AKAP19: variants seen among roughly 807,000 people sequenced by gnomAD.
AKAP19 encodes A-kinase anchoring protein 19.
At chr2:190,080,311 T>C in the AKAP19 span, among the ~76,000 whole-genome samples, 1,810 of 152,350 alleles carry the variant, frequency 0.012, 19 homozygotes, top group Non-Finnish European at 0.02. Flanking sequence ...ACAATGCCCC[T>C]GATGACCTCA....
the AKAP19 span, among the ~76,000 whole-genome samples, chr2:190,092,676 A>G: frequency 1.2e-4 from 19 of 152,184 alleles, no homozygotes; most frequent in Admixed American, 8.5e-4. Context: ...TCAATTTTCC[A>G]AATTATCATT....
the AKAP19 span, among the ~76,000 whole-genome samples, chr2:190,005,083 G>A: frequency 6.6e-6 from 1 of 152,180 alleles, no homozygotes; most frequent in African/African-American, 2.4e-5. Flanking sequence ...TGAGTTCACT[G>A]TCTTGCTGAC....
At chr2:190,100,204 A>G in the AKAP19 span, among the ~76,000 whole-genome samples, 1 of 152,230 alleles carries the variant, frequency 6.6e-6, no homozygotes, top group East Asian at 1.9e-4. Context: ...AAGAAGGTTT[A>G]TTAGTATCCC....
At chr2:190,079,184 A>G in the AKAP19 span, 3 of 152,304 alleles carry the variant, frequency 2.0e-5, no homozygotes, top group East Asian at 5.8e-4. Context: ...CTCTTGATTT[A>G]TCAACACTAC....
chr2:190,095,656 A>G, the AKAP19 span: 2 of 152,234 alleles, frequency 1.3e-5, no homozygotes, highest in African/African-American at 2.4e-5. Flanking sequence ...GTACTTCGTT[A>G]TAGCAGCCCA....
the AKAP19 span, among the ~76,000 whole-genome samples, chr2:189,967,860 A>C: frequency 6.6e-6 from 1 of 152,084 alleles, no homozygotes; most frequent in Non-Finnish European, 1.5e-5. Flanking sequence ...AAATTAAAAA[A>C]AAAAAAGGAA....
chr2:189,937,198 G>T, the AKAP19 span, among the ~76,000 whole-genome samples: 1 of 152,118 alleles, frequency 6.6e-6, no homozygotes, highest in Non-Finnish European at 1.5e-5. Context: ...GCTGATGATG[G>T]TTATATGGAG....
chr2:189,952,926 A>G, the AKAP19 span, among the ~76,000 whole-genome samples: 6 of 152,192 alleles, frequency 3.9e-5, no homozygotes, highest in African/African-American at 1.4e-4. Context: ...TGCAGACTGT[A>G]GTGATGGAAA....
At chr2:190,022,550 A>T in the AKAP19 span, among the ~76,000 whole-genome samples, 1 of 152,168 alleles carries the variant, frequency 6.6e-6, no homozygotes, top group East Asian at 1.9e-4. Flanking sequence ...AATACCTAGG[A>T]TGCAGAACAG....
the AKAP19 span, among the ~76,000 whole-genome samples, chr2:189,973,099 G>A: frequency 6.6e-6 from 1 of 152,154 alleles, no homozygotes; most frequent in African/African-American, 2.4e-5. Flanking sequence ...TGCCCATTCA[G>A]TATGATATTG....
At chr2:190,027,595 G>A in the AKAP19 span, among the ~76,000 whole-genome samples, 3 of 152,232 alleles carry the variant, frequency 2.0e-5, no homozygotes, top group Non-Finnish European at 4.4e-5. Context: ...GTACATAAAA[G>A]GTGAAAGGGT....
At chr2:189,961,092 C>T in the AKAP19 span, among the ~76,000 whole-genome samples, 7 of 152,082 alleles carry the variant, frequency 4.6e-5, no homozygotes, top group African/African-American at 1.7e-4. Flanking sequence ...GTTTCAGGGG[C>T]AGTATAACAT....
the AKAP19 span, among the ~76,000 whole-genome samples, chr2:190,196,457 T>C: frequency 6.6e-6 from 1 of 152,038 alleles, no homozygotes; most frequent in African/African-American, 2.4e-5. Context: ...TCCTTTATTT[T>C]CTTGGGTATA....
the AKAP19 span, among the ~76,000 whole-genome samples, chr2:190,080,521 T>C: frequency 1.3e-5 from 2 of 152,176 alleles, no homozygotes; most frequent in African/African-American, 2.4e-5. Flanking sequence ...AATGAGGTGA[T>C]CTCTATATAA....
At chr2:190,203,040 T>TTC in the AKAP19 span, 49,639 of 166,802 alleles carry the variant, frequency 0.3, 8,766 homozygotes, top group East Asian at 0.48. Context: ...AAGAAATAAT[T>TTC]TGTCAAACTG....
At chr2:189,997,384 G>A in the AKAP19 span, among the ~76,000 whole-genome samples, 1 of 152,184 alleles carries the variant, frequency 6.6e-6, no homozygotes, top group African/African-American at 2.4e-5. Flanking sequence ...ACTGGGGCAG[G>A]TAGAGAAATA....
chr2:190,088,296 A>T, the AKAP19 span, among the ~76,000 whole-genome samples: 7 of 152,148 alleles, frequency 4.6e-5, no homozygotes, highest in Non-Finnish European at 8.8e-5. Flanking sequence ...TGGTAGAAGA[A>T]AAATGAAGAT....
chr2:190,143,045 G>A, the AKAP19 span, among the ~76,000 whole-genome samples: 556 of 152,080 alleles, frequency 3.7e-3, 3 homozygotes, highest in African/African-American at 0.012. Context: ...TCATGGCACT[G>A]GGGGGCGGGG....
the AKAP19 span, among the ~76,000 whole-genome samples, chr2:190,197,305 C>A: frequency 6.6e-6 from 1 of 151,964 alleles, no homozygotes; most frequent in Non-Finnish European, 1.5e-5. This position sits in a 1 kb window ranked among gnomAD's most constrained non-coding sequence, Gnocchi z 4.0. Context: ...TAACTAAATA[C>A]GAAAGTGTTC....
Sources: gnomAD v4.1 joint callset for allele counts (sites outside exome capture counted in the v4.1 genomes callset) on GRCh38, gnomAD v4.1.1 for gene constraint, Gnocchi (gnomAD v3.1) non-coding constraint, MANE v1.5 for transcripts, NCBI Gene and HGNC (gene_info 2026-07-23, HGNC 2026-07-21) for gene names.